WDFY4: variants seen among roughly 807,000 people sequenced by gnomAD.
WDFY4 encodes the protein WDFY family member 4.
In WDFY4, 169 loss-of-function variants were observed where a neutral mutation model predicts 351.9. The ratio of observed to expected loss-of-function variants is 0.48; its 90% confidence interval spans 0.42 to 0.55. The LOEUF (loss-of-function observed/expected upper bound fraction) is 0.55, where lower values mean the gene tolerates loss of function less well. Among genes scored for constraint, WDFY4 ranks in the 20% least tolerant of loss-of-function variants. The pLI, the probability that WDFY4 is intolerant of heterozygous loss-of-function variation, is 0.00. For missense variants in WDFY4, 3,803 were observed against 3,935.6 expected (o/e 0.97, Z 0.90); for synonymous variants, 1,622 against 1,574.6 (o/e 1.03, Z -0.71).
At position 48,783,455 on chromosome 10, in the gene WDFY4, CATATTTATATATGTACAATTGTAT is replaced by C. The variant is rs2066293578; in HGVS notation, c.3577-3179_3577-3156del. The stretch of plus-strand genomic sequence containing the variant: ...CCCCAGATATGCAGGGCCAATTGTA[CATATTTATATATGTACAATTGTAT>C]ATATCTTATGTATATATCTTATGTA... On this transcript the variant is annotated intron_variant, in intron 19 of 61. Coordinates refer to ENST00000325239, the MANE Select transcript of WDFY4 (RefSeq NM_001394531.1). Among the ~76,000 whole-genome samples, 3 of 151,496 alleles carry C rather than the reference CATATTTATATATGTACAATTGTAT, an allele frequency of 2.0e-5. No homozygotes were observed. In the South Asian group the frequency reaches 6.2e-4, roughly 32 times the overall value.
chr10:48,694,470 C>T (rs1589397858), intron 1 of WDFY4, among the ~76,000 whole-genome samples: 1 of 152,102 alleles, frequency 6.6e-6, no homozygotes, highest in Non-Finnish European at 1.5e-5. Flanking sequence ...ACCCCCTAGC[C>T]TCCTCCACCC....
intron 13 of WDFY4, among the ~76,000 whole-genome samples, chr10:48,774,093 T>C (rs190321315): frequency 6.6e-6 from 1 of 152,348 alleles, no homozygotes; most frequent in East Asian, 1.9e-4. Flanking sequence ...CTTCAGACTT[T>C]TCAATGCTAG....
At chr10:48,824,106 A>AGG (rs2067917875) in intron 35 of WDFY4, 1 of 985,442 alleles carries the variant, frequency 1.0e-6, no homozygotes, top group Non-Finnish European at 1.2e-6. Flanking sequence ...GCTACAAATC[A>AGG]GGGTCTTCTA....
At chr10:48,689,958 T>G (rs1224617007) in intron 1 of WDFY4, among the ~76,000 whole-genome samples, 4 of 152,264 alleles carry the variant, frequency 2.6e-5, no homozygotes, top group Non-Finnish European at 5.9e-5. Flanking sequence ...AGCTGGGATT[T>G]GATCCTAGTT....
chr10:48,697,575 CTT>C (rs1256810445), intron 1 of WDFY4, among the ~76,000 whole-genome samples: 1 of 152,208 alleles, frequency 6.6e-6, no homozygotes, highest in African/African-American at 2.4e-5. Flanking sequence ...GCACGTGTGA[CTT>C]TTTGGAGTCA....
intron 12 of WDFY4, among the ~76,000 whole-genome samples, chr10:48,754,710 G>T (rs2065282153): frequency 6.6e-6 from 1 of 152,020 alleles, no homozygotes; most frequent in African/African-American, 2.4e-5. Flanking sequence ...GTTTACAGAT[G>T]TATCCAGAGT....
In WDFY4 at chr10:48,907,209, C is replaced by T. The variant is rs189070154; in HGVS notation, c.7586+5346C>T. On this transcript the variant is annotated intron_variant, in intron 47 of 61. Coordinates refer to ENST00000325239, the MANE Select transcript of WDFY4 (RefSeq NM_001394531.1). ...TAATGACCTCAGTTCATACTGAGCC[C>T]AGATTTCAGAAAACTCAGAGAAATA... is the stretch of plus-strand genomic sequence containing the variant. 2.6e-5 allele frequency among the ~76,000 whole-genome samples: 4 copies of T among 152,266 alleles called. No individual in the cohort carries two copies. In the East Asian group the frequency reaches 7.7e-4, roughly 29 times the overall value.
intron 40 of WDFY4, 52 bp downstream of exon 40, chr10:48,867,394 G>T: frequency 8.1e-7 from 1 of 1,235,050 alleles, no homozygotes; most frequent in South Asian, 1.8e-5. Context: ...AATCCACCTT[G>T]AACCTGAAAA....
intron 10 of WDFY4, among the ~76,000 whole-genome samples, chr10:48,735,515 G>C (rs1399602713): frequency 6.6e-6 from 1 of 151,726 alleles, no homozygotes; most frequent in African/African-American, 2.4e-5. Context: ...TTTTACCCCA[G>C]GAATTCATGA....
At chr10:48,696,593 A>T (rs1351725834) in intron 1 of WDFY4, among the ~76,000 whole-genome samples, 1 of 152,252 alleles carries the variant, frequency 6.6e-6, no homozygotes, top group African/African-American at 2.4e-5. Context: ...CTCAGCGGCC[A>T]GCCCAGGGGG....
intron 47 of WDFY4, among the ~76,000 whole-genome samples, chr10:48,940,477 G>T (rs1443035028): frequency 6.6e-6 from 1 of 152,204 alleles, no homozygotes; most frequent in Non-Finnish European, 1.5e-5. Context: ...GTGGGGCTAT[G>T]ATGGGAATGT....
intron 39 of WDFY4, among the ~76,000 whole-genome samples, chr10:48,834,306 T>A (rs2068302327): frequency 6.6e-6 from 1 of 152,112 alleles, no homozygotes; most frequent in Non-Finnish European, 1.5e-5. Context: ...TTTTCAGTCA[T>A]TAAATGTCAG....
At chr10:48,783,906 G>A (rs1212389839) in intron 19 of WDFY4, among the ~76,000 whole-genome samples, 1 of 152,198 alleles carries the variant, frequency 6.6e-6, no homozygotes, top group Non-Finnish European at 1.5e-5. Flanking sequence ...ATTATTATCT[G>A]ATGGACCACC....
chr10:48,968,943 T>C (rs781567807), intron 55 of WDFY4, 121 bp from the exon 56 acceptor site: 5 of 1,008,996 alleles, frequency 5.0e-6, no homozygotes, highest in Non-Finnish European at 7.3e-6. Context: ...CTGCAGTGGG[T>C]GCTGTCCTTC....
chr10:48,804,734 G>C, intron 25 of WDFY4: 1 of 984,996 alleles, frequency 1.0e-6, no homozygotes, highest in Non-Finnish European at 1.2e-6. Flanking sequence ...TTCTTTGGGG[G>C]AGTAGAATTT....
At chr10:48,941,726 C>A in intron 47 of WDFY4, 80 bp from the exon 48 acceptor site, 1 of 1,451,858 alleles carries the variant, frequency 6.9e-7, no homozygotes, top group Non-Finnish European at 9.5e-7. Context: ...TCCCGTGAAG[C>A]CCAGGCAAGC....
intron 40 of WDFY4, among the ~76,000 whole-genome samples, chr10:48,870,583 G>A (rs2069730022): frequency 6.6e-6 from 1 of 151,046 alleles, no homozygotes; most frequent in African/African-American, 2.4e-5. Context: ...GAAAGAAATT[G>A]TAGTTGTCCC....
chr10:48,754,471 A>G (rs2065273815), intron 12 of WDFY4, among the ~76,000 whole-genome samples: 1 of 151,924 alleles, frequency 6.6e-6, no homozygotes, highest in Non-Finnish European at 1.5e-5. Flanking sequence ...CTCCTTCTGC[A>G]TACAAGCACT....
chr10:48,725,900 G>T lies in WDFY4; in HGVS notation c.611G>T (p.Ser204Ile). 6.5e-7 allele frequency: 1 copy of T among 1,545,240 alleles called. No homozygotes were observed. The change falls in exon 6 of 62, where the codon AGT becomes ATT. Residue 204 changes from serine to isoleucine, a missense_variant. Physicochemically the swap from Ser to Ile is moderately radical, Grantham distance 142. Around this residue, in one of 3 missense-constraint regions of WDFY4, gnomAD observed 488 missense variants for 456.8 expected, o/e 1.07. Transcript: ENST00000325239. ...MFVQMLLNIC[S>I]DSQGLEGLLS... is the part of the protein sequence containing the mutation. ...TTTCAGATGTTGCTCAATATTTGCA[G>T]TGACTCTCAGGGCCTGGAGGGACTC...
Sources: gnomAD v4.1 joint callset for allele counts (sites outside exome capture counted in the v4.1 genomes callset) on GRCh38, gnomAD v4.1.1 for gene constraint, gnomAD v4.1.1 regional missense constraint, MANE v1.5 for transcripts, NCBI Gene and HGNC (gene_info 2026-07-23, HGNC 2026-07-21) for gene names.